PSMA5: variants seen among roughly 807,000 people sequenced by gnomAD.
The protein encoded by PSMA5 is proteasome 20S subunit alpha 5.
In PSMA5, 3 loss-of-function variants were observed where a neutral mutation model predicts 34.5. That is an observed-to-expected ratio of 0.09 (90% CI 0.04 to 0.22). The LOEUF (loss-of-function observed/expected upper bound fraction) is 0.22. Among genes scored for constraint, PSMA5 ranks in the 10% least tolerant of loss-of-function variants. The pLI is 1.00. For missense variants in PSMA5, 120 were observed against 286.1 expected, an observed-to-expected ratio of 0.42 and a Z score of 4.19; for synonymous variants, 88 against 95.8, an observed-to-expected ratio of 0.92 and a Z score of 0.47.
intron 1 of PSMA5, among the ~76,000 whole-genome samples, chr1:109,425,152 G>A (rs1458765284): frequency 1.3e-5 from 2 of 152,190 alleles, no homozygotes; most frequent in East Asian, 3.8e-4. Context: ...ACAGTGCCTT[G>A]TTCACAGCAA....
Position 109,421,869 on chromosome 1 carries a change from C to A in PSMA5, c.87G>T (p.Glu29Asp). 1 of 1,551,202 alleles carries A rather than the reference C, an allele frequency of 6.4e-7. No individual in the cohort carries two copies. Among genetic ancestry groups the A allele is most frequent in the Admixed American group, 2.2e-5 (1 of 45,894 alleles). The change falls in exon 2 of 9, where the codon GAG becomes GAT. Residue 29 changes from glutamate (E) to aspartate (D), a missense_variant. Physicochemically the swap from Glu to Asp is conservative, Grantham distance 45. Around this residue, in one of 3 missense-constraint regions of PSMA5, gnomAD observed 17 missense variants for 63.5 expected, o/e 0.27. Coordinates refer to ENST00000271308, the MANE Select transcript of PSMA5 (RefSeq NM_002790.4). ...CTACTTGCTACTATACCTTGATAGC[C>A]TCAATGGCATATTCCACTTGAAATA... ...GRLFQVEYAI[E>D]AIKLGSTAIG...
chr1:109,399,813 A>G lies in PSMA5; in HGVS notation c.*2200T>C, dbSNP rs1653428786. 1 of 152,186 alleles carries G rather than the reference A, an allele frequency of 6.6e-6. No individual in the cohort carries two copies. The highest frequency in any genetic ancestry group is 2.4e-5 in the African/African-American group (1 of 41,434). The allele number at this position is 152,186 out of a possible 1,614,324, so 9.4% of individuals were successfully genotyped here. On this transcript the variant is annotated 3_prime_UTR_variant, in exon 9 of 9. Coordinates refer to ENST00000271308, the MANE Select transcript of PSMA5 (RefSeq NM_002790.4). Reference sequence around the variant, plus strand: ...CTATATTTCATTTTTGTCTAATGAGATTGACATTAAATATAAAAGTGGCAC... The same window carrying G: ...CTATATTTCATTTTTGTCTAATGAGGTTGACATTAAATATAAAAGTGGCAC...
At chr1:109,411,707 A>G (rs1486084626) in intron 6 of PSMA5, among the ~76,000 whole-genome samples, 170 bp downstream of exon 6, 2 of 152,118 alleles carry the variant, frequency 1.3e-5, no homozygotes, top group East Asian at 3.9e-4. Context: ...TACAGCCTGG[A>G]TAACAACTCC....
chr1:109,414,864 C>T (rs1409617019), intron 3 of PSMA5: 2 of 166,100 alleles, frequency 1.2e-5, no homozygotes, highest in African/African-American at 4.8e-5. Flanking sequence ...GAATTAAAGA[C>T]CAAAAAAGTG....
At position 109,400,910 on chromosome 1, in the gene PSMA5, C is replaced by G. The variant is rs1487186460; in HGVS notation, c.*1103G>C. On this transcript the variant is annotated 3_prime_UTR_variant, in exon 9 of 9. Transcript: ENST00000271308. ...TGTTGTGGACAGTGCAAGTACTTTTCAAATCTCCAGATTTCCCTATTACTC... is the reference window on the plus strand; with the variant it reads ...TGTTGTGGACAGTGCAAGTACTTTTGAAATCTCCAGATTTCCCTATTACTC... 6.6e-6 allele frequency: 1 copy of G among 152,164 alleles called. No homozygotes were observed. Among genetic ancestry groups the G allele is most frequent in the East Asian group, 1.9e-4 (1 of 5,192 alleles). The allele number at this position is 152,164 out of a possible 1,614,324, so 9.4% of individuals were successfully genotyped here. A position where few individuals can be genotyped will look rare whatever the true frequency, so the allele number is the denominator to read the frequency against.
chr1:109,415,665 T>TA (rs201811504), intron 2 of PSMA5, among the ~76,000 whole-genome samples: 2,782 of 152,134 alleles, frequency 0.018, 91 homozygotes, highest in African/African-American at 0.064. Context: ...CCCAAAAGAG[T>TA]AAGTTCAACA....
intron 1 of PSMA5, among the ~76,000 whole-genome samples, chr1:109,425,133 G>A (rs563291062): frequency 1.3e-5 from 2 of 152,326 alleles, no homozygotes; most frequent in East Asian, 3.9e-4. Context: ...TGTAGCACCA[G>A]CACCTAGAAC....
At chr1:109,412,441 G>A in intron 4 of PSMA5, 1 of 381,486 alleles carries the variant, frequency 2.6e-6, no homozygotes, top group Non-Finnish European at 4.8e-6. Flanking sequence ...ATGCCTCAAA[G>A]CACCAAGTTT....
chr1:109,411,959 T>C (rs1268566327), intron 5 of PSMA5, 24 bp from the exon 6 acceptor site: 29 of 1,602,314 alleles, frequency 1.8e-5, no homozygotes, highest in African/African-American at 2.7e-5. Context: ...ATAAGAGATA[T>C]TAAGATAAAT....
chr1:109,409,967 T>C lies in PSMA5; in HGVS notation c.609A>G (p.Lys203=), dbSNP rs373362735. 1.8e-5 allele frequency: 29 copies of C among 1,609,812 alleles called. No homozygotes were observed. The African/African-American group carries it at 2.4e-4, about 13-fold the overall frequency. The change falls in exon 8 of 9, where the codon AAA becomes AAG. Residue 203 remains lysine, a synonymous_variant. Transcript: ENST00000271308. ...EAIKSSLIIL[K]QVMEEKLNAT... is the part of the protein sequence containing the mutation. Reference sequence around the variant, plus strand: ...CATTCAGCTTCTCCTCCATTACTTGTTTGAGGATGATGAGTGAAGACTTGA... The same window carrying C: ...CATTCAGCTTCTCCTCCATTACTTGCTTGAGGATGATGAGTGAAGACTTGA...
chr1:109,422,449 A>C (rs1654479885), intron 1 of PSMA5, among the ~76,000 whole-genome samples: 1 of 151,464 alleles, frequency 6.6e-6, no homozygotes, highest in Admixed American at 6.6e-5. Context: ...TTTTCCCCCT[A>C]ATTCAGACAA....
intron 2 of PSMA5, among the ~76,000 whole-genome samples, chr1:109,415,592 C>T (rs1654160168): frequency 6.6e-6 from 1 of 152,064 alleles, no homozygotes; most frequent in Non-Finnish European, 1.5e-5. Context: ...TCTTTTTTCT[C>T]CCTTAAATTT....
At chr1:109,405,470 GAC>G (rs1157952731) in intron 8 of PSMA5, among the ~76,000 whole-genome samples, 1 of 85,402 alleles carries the variant, frequency 1.2e-5, no homozygotes. Context: ...TTTTTTTTGA[GAC>G]AGAGTCTCGC....
chr1:109,422,969 A>C (rs1654506065), intron 1 of PSMA5, among the ~76,000 whole-genome samples: 1 of 152,152 alleles, frequency 6.6e-6, no homozygotes. Context: ...AACACTTTCC[A>C]CCTTTCCTTG....
intron 8 of PSMA5, among the ~76,000 whole-genome samples, chr1:109,406,533 A>C (rs553733085): frequency 1.3e-5 from 2 of 152,194 alleles, no homozygotes; most frequent in South Asian, 2.1e-4. Flanking sequence ...CCCCATCTCT[A>C]AAAAAATTAA....
chr1:109,419,811 A>AC (rs71069683), intron 2 of PSMA5, among the ~76,000 whole-genome samples: 91,830 of 142,212 alleles, frequency 0.65, 31,916 homozygotes, highest in East Asian at 0.96. Context: ...AAAAAAAAAA[A>AC]AAAAAAAAAA....
chr1:109,410,219 C>T (rs911337115), intron 7 of PSMA5, among the ~76,000 whole-genome samples: 6 of 152,090 alleles, frequency 3.9e-5, no homozygotes, highest in South Asian at 4.2e-4. Flanking sequence ...AACCCCCAAA[C>T]CTTATTGTGA....
At chr1:109,423,639 C>T (rs1557846565) in intron 1 of PSMA5, among the ~76,000 whole-genome samples, 1 of 152,184 alleles carries the variant, frequency 6.6e-6, no homozygotes, top group Non-Finnish European at 1.5e-5. Flanking sequence ...CATCTCAAAT[C>T]TTCCAGTGTT....
rs1197590360 is a variant in PSMA5, at chr1:109,401,266, CA to C, written c.*746del. On this transcript the variant is annotated 3_prime_UTR_variant, in exon 9 of 9. Transcript: ENST00000271308. ...GTCATTAATTTAATTCTTAGTCCTT[CA>C]CTTCGTAAACAAGGAAATCTCTTTC... 1.3e-5 allele frequency: 2 copies of C among 152,148 alleles called. No individual in the cohort carries two copies. The highest frequency in any genetic ancestry group is 4.8e-5 in the African/African-American group (2 of 41,434). The allele number at this position is 152,148 out of a possible 1,614,324, so 9.4% of individuals were successfully genotyped here.
Sources: allele counts gnomAD v4.1 joint callset (sites outside exome capture counted in the v4.1 genomes callset), GRCh38; gene constraint gnomAD v4.1.1; regional missense constraint gnomAD v4.1.1; transcripts MANE v1.5; gene names NCBI Gene and HGNC (gene_info 2026-07-23, HGNC 2026-07-21).